FANCA: variants seen among roughly 807,000 people sequenced by gnomAD.
FANCA encodes the protein Fanconi anemia group A protein.
A neutral mutation model predicts 194.3 loss-of-function variants in FANCA; 236 were observed. That is an observed-to-expected ratio of 1.21 (90% CI 1.09 to 1.35). FANCA has a LOEUF of 1.35. FANCA is among the 40% of genes most tolerant of loss of function. The pLI is 0.00. For synonymous variants in FANCA, 1,014 were observed against 715.8 expected, an observed-to-expected ratio of 1.42 and a Z score of -6.65; for missense variants, 2,628 against 1,813.9, an observed-to-expected ratio of 1.45 and a Z score of -8.15.
intron 8 of FANCA, among the ~76,000 whole-genome samples, chr16:89,800,300 C>G (rs1042627279): frequency 1.3e-5 from 2 of 152,196 alleles, no homozygotes; most frequent in Admixed American, 6.5e-5. Context: ...TGAGAAGGTA[C>G]CATTGTCCAT....
chr16:89,780,578 C>T (rs893319325), intron 17 of FANCA, among the ~76,000 whole-genome samples: 1 of 151,282 alleles, frequency 6.6e-6, no homozygotes, highest in East Asian at 1.9e-4. Context: ...AAGCCATCAT[C>T]ATGCTACCCT....
At position 89,791,976 on chromosome 16, in the gene FANCA, A is replaced by T. The variant is rs1172967239; in HGVS notation, c.1176T>A (p.Phe392Leu). Reference sequence around the variant, plus strand: ...GAAAGCAGACAACCAGGGCAGACACAAAGGAGAGCACTCTCTGCCAGTGAA... The same window carrying T: ...GAAAGCAGACAACCAGGGCAGACACTAAGGAGAGCACTCTCTGCCAGTGAA... ...QEVHWQRVLS[F>L]VSALVVCFPE... Residue 392 changes from phenylalanine to leucine, a missense_variant, in exon 13 of 43, where the codon TTT becomes TTA. Transcript: ENST00000389301. The T allele has an allele frequency of 6.2e-7, 1 of 1,614,084 alleles. No individual in the cohort carries two copies. The highest frequency in any genetic ancestry group is 1.1e-5 in the South Asian group (1 of 91,084).
chr16:89,776,354 A>G (rs2039506469), intron 20 of FANCA, among the ~76,000 whole-genome samples: 1 of 150,720 alleles, frequency 6.6e-6, no homozygotes, highest in Non-Finnish European at 1.5e-5. Context: ...TTTTTAGTAG[A>G]GACGGAGTTT....
intron 29 of FANCA, among the ~76,000 whole-genome samples, chr16:89,759,928 G>A (rs3819569): frequency 2.0e-5 from 3 of 149,548 alleles, no homozygotes; most frequent in South Asian, 4.2e-4. Flanking sequence ...CCCACGCTGT[G>A]CGGGACCTGG....
chr16:89,808,663 G>A (rs1025534563), intron 5 of FANCA, among the ~76,000 whole-genome samples: 6 of 152,058 alleles, frequency 3.9e-5, no homozygotes, highest in African/African-American at 1.4e-4. Flanking sequence ...CCACACTACA[G>A]CCAACACAGT....
chr16:89,776,552 G>T (rs888900593), intron 20 of FANCA, among the ~76,000 whole-genome samples: 6 of 152,008 alleles, frequency 3.9e-5, no homozygotes, highest in African/African-American at 1.4e-4. Context: ...ATTGGGCCAG[G>T]CGCGGTGGAT....
Position 89,739,535 on chromosome 16 carries a change from A to G in FANCA, c.3953T>C (p.Leu1318Pro), listed in dbSNP as rs1439125894. The change falls in exon 40 of 43, where the codon CTC (leucine) becomes CCC (proline). Residue 1318 changes from leucine (L) to proline (P), a missense_variant. By Grantham distance (98) the Leu-to-Pro change is moderately conservative (BLOSUM62 -3). Coordinates refer to ENST00000389301, the MANE Select transcript of FANCA (RefSeq NM_000135.4). The part of the protein sequence containing the change: ...LTESDLRLGR[L>P]LLRVAPDQHT... ...CTGATCCGGGGCCACACGGAGGAGGAGCCGCCCCAGCCTGAGGTCTGCAAC... is the reference window on the plus strand; with the variant it reads ...CTGATCCGGGGCCACACGGAGGAGGGGCCGCCCCAGCCTGAGGTCTGCAAC... 2 of 1,551,266 alleles carry G rather than the reference A, an allele frequency of 1.3e-6. No homozygotes were observed. The highest frequency in any genetic ancestry group is 1.2e-5 in the South Asian group (1 of 84,068).
chr16:89,786,683 G>T (rs1427768283), intron 14 of FANCA, among the ~76,000 whole-genome samples: 1 of 152,170 alleles, frequency 6.6e-6, no homozygotes, highest in Non-Finnish European at 1.5e-5. Flanking sequence ...ATAAAAAGCG[G>T]AAAATGCTGA....
chr16:89,758,815 G>C (rs2038848636), intron 29 of FANCA, 110 bp from the exon 30 acceptor site: 1 of 1,549,122 alleles, frequency 6.5e-7, no homozygotes, highest in Non-Finnish European at 8.8e-7. Flanking sequence ...AGTGAGAGCT[G>C]GGTTGAGACT....
chr16:89,750,026 G>T, intron 31 of FANCA, 124 bp from the exon 32 acceptor site: 1 of 953,966 alleles, frequency 1.0e-6, no homozygotes, highest in East Asian at 2.5e-5. Flanking sequence ...GGAACAAGTG[G>T]GGCAAGCTAT....
intron 6 of FANCA, among the ~76,000 whole-genome samples, chr16:89,807,533 T>C (rs1043790712): frequency 4.6e-5 from 7 of 151,946 alleles, no homozygotes; most frequent in Middle Eastern, 6.9e-3. Flanking sequence ...GGGAATCACC[T>C]GAGGTTAGGA....
At chr16:89,811,166 C>T (rs1037689503) in intron 3 of FANCA, 95 bp from the exon 4 acceptor site, 10 of 1,526,316 alleles carry the variant, frequency 6.6e-6, no homozygotes, top group Middle Eastern at 1.7e-4. Flanking sequence ...TTTTAAGATG[C>T]AGCACAAAAA....
Position 89,762,010 on chromosome 16 carries a change from CT to C in FANCA, c.2790del (p.Asp931ThrfsTer58). The C allele has an allele frequency of 6.2e-7, 1 of 1,613,704 alleles. No homozygotes were observed. Among genetic ancestry groups the C allele is most frequent in the Non-Finnish European group, 8.5e-7 (1 of 1,179,658 alleles). On this transcript the variant is annotated frameshift_variant, in exon 29 of 43. Coordinates refer to ENST00000389301, the MANE Select transcript of FANCA (RefSeq NM_000135.4). LOFTEE classifies it high-confidence loss of function. ...LKEEDVHLTYQDWLHLELEIQ... is the reference protein window; with the variant it reads ...LKEEDVHLTYXDWLHLELEIQ... ...ATTTCCAGCTCCAGGTGTAACCAGT[CT>C]TGGTAAGTTAACTGAGAAAGAGAGC...
At chr16:89,769,220 G>A (rs17226652) in intron 26 of FANCA, among the ~76,000 whole-genome samples, 342 of 152,342 alleles carry the variant, frequency 2.2e-3, no homozygotes, top group Non-Finnish European at 3.7e-3. Context: ...GAGACCAGAA[G>A]CTACAAGCCA....
chr16:89,737,750 C>T lies in FANCA; in HGVS notation c.*851G>A, dbSNP rs886052478. On this transcript the variant is annotated 3_prime_UTR_variant, in exon 43 of 43. Coordinates refer to ENST00000389301, the MANE Select transcript of FANCA (RefSeq NM_000135.4). Reference sequence around the variant, plus strand: ...GATGGTTTCACATTGTCATCGTCGTCCCCCCGGGAGGTTGGAGCATCAGGG... The same window carrying T: ...GATGGTTTCACATTGTCATCGTCGTTCCCCCGGGAGGTTGGAGCATCAGGG... The T allele has an allele frequency of 5.4e-5, 86 of 1,607,306 alleles. No homozygotes were observed. Among genetic ancestry groups the T allele is most frequent in the South Asian group, 1.8e-4 (16 of 90,590 alleles).
intron 37 of FANCA, among the ~76,000 whole-genome samples, chr16:89,742,061 G>T (rs1237642936): frequency 6.6e-6 from 1 of 152,068 alleles, no homozygotes; most frequent in Non-Finnish European, 1.5e-5. Context: ...TGCCCCCTGG[G>T]TTCAAGTGAT....
At chr16:89,745,743 G>A (rs933931931) in intron 35 of FANCA, among the ~76,000 whole-genome samples, 1 of 134,242 alleles carries the variant, frequency 7.4e-6, no homozygotes, top group African/African-American at 3.1e-5. Flanking sequence ...AACAGTGAAG[G>A]GACCACACTG....
Position 89,770,614 on chromosome 16 carries a change from C to T in FANCA, c.2172G>A (p.Thr724=), listed in dbSNP as rs768851944. 6 of 1,611,554 alleles carry T rather than the reference C, an allele frequency of 3.7e-6. No homozygotes were observed. The highest frequency in any genetic ancestry group is 3.3e-5 in the Admixed American group (2 of 59,728). The change falls in exon 24 of 43, where the codon ACG becomes ACA. Residue 724 remains threonine (T), a synonymous_variant. Transcript: ENST00000389301. ...REHMAVDLLL[T]SFCQNLMAAS... ...CAGCCATCAGGTTCTGACAGAAAGA[C>T]GTCAGCAGGAGGTCCACAGCCTGCA... is the stretch of plus-strand genomic sequence containing the variant.
intron 2 of FANCA, 102 bp downstream of exon 2, chr16:89,815,775 C>G: frequency 1.0e-6 from 1 of 984,540 alleles, no homozygotes; most frequent in Non-Finnish European, 1.6e-6. Context: ...CAGGCCACCG[C>G]GCCCGCCGCC....
Sources: gnomAD v4.1 joint callset for allele counts (sites outside exome capture counted in the v4.1 genomes callset) on GRCh38, gnomAD v4.1.1 for gene constraint, MANE v1.5 for transcripts, NCBI Gene and HGNC (gene_info 2026-07-23, HGNC 2026-07-21) for gene names.